Variants in GOLGA5 observed in about 807,000 individuals in gnomAD.
GOLGA5 encodes golgin subfamily A member 5.
GOLGA5 carries 50 observed loss-of-function variants against 93.5 expected under a neutral mutation model. That is an observed-to-expected ratio of 0.53 (90% confidence interval 0.43 to 0.68). The LOEUF (loss-of-function observed/expected upper bound fraction) is 0.68. Ranked by LOEUF, GOLGA5 falls within the 30% of genes least tolerant of loss-of-function variation. The pLI, the probability that GOLGA5 is intolerant of heterozygous loss-of-function variation, is 0.00. For synonymous variants in GOLGA5, 312 were observed against 304.5 expected (o/e 1.02, Z -0.26); for missense variants, 760 against 856.4 (o/e 0.89, Z 1.40).
At chr14:92,812,654 G>A (rs1595595620) in intron 6 of GOLGA5, among the ~76,000 whole-genome samples, 1 of 151,878 alleles carries the variant, frequency 6.6e-6, no homozygotes, top group East Asian at 1.9e-4. Flanking sequence ...CCTTTTCTTA[G>A]TCTCCATACC....
intron 9 of GOLGA5, among the ~76,000 whole-genome samples, chr14:92,828,002 C>T (rs1885456791): frequency 6.6e-6 from 1 of 152,174 alleles, no homozygotes; most frequent in Non-Finnish European, 1.5e-5. Flanking sequence ...AGGAAAGAAG[C>T]CATCTCCCAA....
At chr14:92,826,209 TAGAAG>T (rs1566959576) in intron 9 of GOLGA5, among the ~76,000 whole-genome samples, 1 of 151,352 alleles carries the variant, frequency 6.6e-6, no homozygotes, top group Non-Finnish European at 1.5e-5. Context: ...TTCATCAAAT[TAGAAG>T]AGAGCAAAAC....
rs560257145 is a variant in GOLGA5 at position 92,819,914 on chromosome 14, T to C, written c.1620+78T>C. On this transcript the variant is annotated intron_variant, in intron 8 of 12. Coordinates refer to ENST00000163416, the MANE Select transcript of GOLGA5 (RefSeq NM_005113.4). ...GAGCAGACCTCCCAGGAAAGCAGCT[T>C]ACTGAAATTTTTAGAGTATGGGCTT... is the stretch of plus-strand genomic sequence containing the variant. The C allele has an allele frequency of 3.4e-6, 5 of 1,459,940 alleles. No individual in the cohort carries two copies. The South Asian group carries it at 4.8e-5, about 14-fold the overall frequency. 90.4% of individuals were successfully genotyped at this position (1,459,940 alleles called of 1,614,324 possible).
At chr14:92,802,546 T>C (rs558951458) in intron 2 of GOLGA5, among the ~76,000 whole-genome samples, 3 of 152,240 alleles carry the variant, frequency 2.0e-5, no homozygotes, top group Non-Finnish European at 4.4e-5. Context: ...TTAGAGGGAA[T>C]ACTTTGTTTC....
chr14:92,816,755 T>C (rs1885217232), intron 7 of GOLGA5, among the ~76,000 whole-genome samples: 1 of 152,222 alleles, frequency 6.6e-6, no homozygotes, highest in Non-Finnish European at 1.5e-5. Flanking sequence ...AGACAGGGTA[T>C]CCCTGTGTTG....
chr14:92,804,605 A>G (rs1299507673), intron 2 of GOLGA5, among the ~76,000 whole-genome samples: 4 of 151,918 alleles, frequency 2.6e-5, no homozygotes, highest in African/African-American at 9.7e-5. Context: ...AAAATACTCT[A>G]AAAGCAAATG....
chr14:92,822,889 C>T (rs1885344510), intron 8 of GOLGA5, among the ~76,000 whole-genome samples: 2 of 152,024 alleles, frequency 1.3e-5, no homozygotes, highest in Non-Finnish European at 2.9e-5. Flanking sequence ...AAACTCCTGA[C>T]CTCAAGTGAT....
chr14:92,796,541 C>A (rs1269868661), intron 1 of GOLGA5, among the ~76,000 whole-genome samples: 1 of 152,130 alleles, frequency 6.6e-6, no homozygotes, highest in Non-Finnish European at 1.5e-5. Context: ...AGGGGCCACC[C>A]TGACGACTCA....
chr14:92,795,839 G>A (rs1485957763), intron 1 of GOLGA5, among the ~76,000 whole-genome samples: 5 of 152,228 alleles, frequency 3.3e-5, no homozygotes, highest in African/African-American at 1.2e-4. Flanking sequence ...TGAAGCAAAT[G>A]ACATTTGAGT....
intron 8 of GOLGA5, among the ~76,000 whole-genome samples, chr14:92,821,678 TC>T (rs1885319952): frequency 6.6e-6 from 1 of 152,228 alleles, no homozygotes; most frequent in African/African-American, 2.4e-5. Flanking sequence ...ATTTATTACT[TC>T]TGAAACTTGT....
At chr14:92,815,701 T>C (rs1482399446) in intron 6 of GOLGA5, among the ~76,000 whole-genome samples, 1 of 9,450 alleles carries the variant, frequency 1.1e-4, no homozygotes, top group Non-Finnish European at 1.6e-4. Context: ...TTTTTAATCT[T>C]TTTTTTTTTT....
chr14:92,833,403 TTA>T lies in GOLGA5; in HGVS notation c.1945+59_1945+60del. 5.7e-6 allele frequency: 7 copies of T among 1,220,890 alleles called. No homozygotes were observed. In the South Asian group the frequency reaches 8.6e-5, roughly 15 times the overall value. The allele number at this position is 1,220,890 out of a possible 1,614,324, so 75.6% of individuals were successfully genotyped here. On this transcript the variant is annotated intron_variant, in intron 10 of 12. Coordinates refer to ENST00000163416, the MANE Select transcript of GOLGA5 (RefSeq NM_005113.4). The stretch of plus-strand genomic sequence containing the variant: ...TTCATTCAAACATGCTTTTGAAAAG[TTA>T]TAGAAGGACTATTTTTATTTGAAAG...
chr14:92,800,540 A>G (rs1161592515), intron 2 of GOLGA5, among the ~76,000 whole-genome samples: 4 of 152,244 alleles, frequency 2.6e-5, no homozygotes, highest in Non-Finnish European at 5.9e-5. Flanking sequence ...TGTTTATGCA[A>G]TTAAACCCAT....
At chr14:92,816,151 A>T in intron 6 of GOLGA5, 100 bp from the exon 7 acceptor site, 1 of 751,202 alleles carries the variant, frequency 1.3e-6, no homozygotes, top group Non-Finnish European at 2.2e-6. Context: ...GATGGAGATA[A>T]TGGAATTTTT....
intron 9 of GOLGA5, among the ~76,000 whole-genome samples, chr14:92,826,653 G>T (rs1885427607): frequency 6.7e-6 from 1 of 150,072 alleles, no homozygotes; most frequent in Non-Finnish European, 1.5e-5. Flanking sequence ...AGCCAAGATT[G>T]TGCCACTGCA....
intron 9 of GOLGA5, among the ~76,000 whole-genome samples, chr14:92,825,300 A>C (rs916558880): frequency 1.3e-5 from 2 of 152,178 alleles, no homozygotes; most frequent in African/African-American, 4.8e-5. Context: ...TTGGTCTTTT[A>C]AGTTTCCAGA....
intron 2 of GOLGA5, among the ~76,000 whole-genome samples, chr14:92,798,392 T>G (rs1012697452): frequency 1.3e-5 from 2 of 152,152 alleles, no homozygotes; most frequent in African/African-American, 4.8e-5. Flanking sequence ...CTGGGTTGTG[T>G]TTTTTGTGTG....
intron 7 of GOLGA5, 22 bp downstream of exon 7, chr14:92,816,443 C>T: frequency 6.2e-7 from 1 of 1,600,700 alleles, no homozygotes; most frequent in Middle Eastern, 1.7e-4. Context: ...GGTGGTTCAG[C>T]TTAGTAGACA....
chr14:92,807,391 A>T (rs1885011900), intron 3 of GOLGA5, among the ~76,000 whole-genome samples: 1 of 152,240 alleles, frequency 6.6e-6, no homozygotes, highest in Non-Finnish European at 1.5e-5. Context: ...GAGAAATTAG[A>T]TGCGACTTGT....
Sources: allele counts gnomAD v4.1 joint callset (sites outside exome capture counted in the v4.1 genomes callset), GRCh38; gene constraint gnomAD v4.1.1; transcripts MANE v1.5; gene names NCBI Gene and HGNC (gene_info 2026-07-23, HGNC 2026-07-21).